The following LIN28B variants were observed in gnomAD, a reference collection of about 807,000 sequenced individuals.
LIN28B encodes lin-28 RNA binding posttranscriptional regulator B, also known as protein lin-28 homolog B.
In LIN28B, 5 loss-of-function variants were observed where a neutral mutation model predicts 21.9. The ratio of observed to expected loss-of-function variants is 0.23; its 90% CI spans 0.12 to 0.48. The LOEUF (loss-of-function observed/expected upper bound fraction) is 0.48. LIN28B is among the 20% of genes least tolerant of loss of function. The pLI is 0.98. For missense variants in LIN28B, 245 were observed against 310.5 expected (o/e 0.79, Z 1.58); for synonymous variants, 109 against 111.3 (o/e 0.98, Z 0.13).
chr6:105,068,983 G>A (rs757515881), intron 3 of LIN28B, among the ~76,000 whole-genome samples: 14 of 151,914 alleles, frequency 9.2e-5, no homozygotes, highest in Non-Finnish European at 1.5e-4. Context: ...TTGGGAGGCC[G>A]AGGCAGGCAG....
intron 3 of LIN28B, among the ~76,000 whole-genome samples, chr6:105,066,000 C>T (rs561744990): frequency 6.6e-6 from 1 of 152,048 alleles, no homozygotes. Context: ...AGTGAGACCT[C>T]GTCTCCACTA....
At chr6:104,941,697 A>T (rs1270657259) in intron 2 of LIN28B, among the ~76,000 whole-genome samples, 2 of 152,182 alleles carry the variant, frequency 1.3e-5, no homozygotes, top group African/African-American at 2.4e-5. Flanking sequence ...AATTAAAATT[A>T]AGGATTTTGA....
chr6:105,067,833 G>A (rs1042565934), intron 3 of LIN28B, among the ~76,000 whole-genome samples: 1 of 152,110 alleles, frequency 6.6e-6, no homozygotes, highest in Non-Finnish European at 1.5e-5. Context: ...TTATAGCTAT[G>A]CCTGATTGAA....
chr6:105,001,833 C>T (rs760306042), intron 2 of LIN28B, among the ~76,000 whole-genome samples: 3 of 152,112 alleles, frequency 2.0e-5, no homozygotes, highest in South Asian at 4.1e-4. Flanking sequence ...CAAAAAAACT[C>T]GATCTCTAGC....
chr6:104,953,556 T>C (rs552205004), upstream of LIN28B, among the ~76,000 whole-genome samples: 23 of 152,148 alleles, frequency 1.5e-4, no homozygotes, highest in South Asian at 4.8e-3. Flanking sequence ...CCTAAATTAG[T>C]GAGAAATCAC....
chr6:105,002,813 A>G (rs1294397066), intron 2 of LIN28B, among the ~76,000 whole-genome samples: 1 of 152,194 alleles, frequency 6.6e-6, no homozygotes, highest in Non-Finnish European at 1.5e-5. Context: ...ATAGATTTGC[A>G]AGTTAGCTGA....
intron 3 of LIN28B, among the ~76,000 whole-genome samples, chr6:105,061,140 C>G (rs1042035260): frequency 5.9e-5 from 9 of 152,174 alleles, no homozygotes; most frequent in Non-Finnish European, 8.8e-5. Flanking sequence ...TCTACTTTAT[C>G]ATTTCCTTTA....
At chr6:105,018,829 T>C (rs1392802395) in intron 2 of LIN28B, among the ~76,000 whole-genome samples, 1 of 152,224 alleles carries the variant, frequency 6.6e-6, no homozygotes, top group Admixed American at 6.5e-5. Flanking sequence ...TTAAATTCTC[T>C]GGTTGTTTAA....
At chr6:104,965,881 A>G (rs1324779860) in intron 2 of LIN28B, among the ~76,000 whole-genome samples, 2 of 152,226 alleles carry the variant, frequency 1.3e-5, no homozygotes, top group Non-Finnish European at 2.9e-5. Context: ...TGATAATTTA[A>G]TACCATTTTT....
At chr6:104,953,868 C>G (rs144034017), upstream of LIN28B, among the ~76,000 whole-genome samples, 1 of 152,140 alleles carries the variant, frequency 6.6e-6, no homozygotes, top group Non-Finnish European at 1.5e-5. Flanking sequence ...TAAGAAGAAC[C>G]GAAGCATTGT....
At chr6:104,991,372 A>C (rs1454746339) in intron 2 of LIN28B, among the ~76,000 whole-genome samples, 1 of 146,924 alleles carries the variant, frequency 6.8e-6, no homozygotes, top group Non-Finnish European at 1.5e-5. Flanking sequence ...CACCTCCCAG[A>C]CGGGGTCGCG....
chr6:104,950,254 T>C (rs777257029), intron 2 of LIN28B, among the ~76,000 whole-genome samples: 1 of 152,182 alleles, frequency 6.6e-6, no homozygotes, highest in African/African-American at 2.4e-5. Flanking sequence ...TTTAAACTAG[T>C]GTCCTCTACT....
At chr6:105,067,932 T>C (rs1772250471) in intron 3 of LIN28B, among the ~76,000 whole-genome samples, 1 of 152,180 alleles carries the variant, frequency 6.6e-6, no homozygotes, top group African/African-American at 2.4e-5. Flanking sequence ...TTAAAACTGC[T>C]ACATGTTTCA....
At chr6:104,946,097 TTATAAA>T (rs1446004158) in intron 2 of LIN28B, among the ~76,000 whole-genome samples, 2 of 151,920 alleles carry the variant, frequency 1.3e-5, no homozygotes, top group Non-Finnish European at 2.9e-5. Context: ...ATTATATACT[TTATAAA>T]TATAAGAAAT....
intron 2 of LIN28B, among the ~76,000 whole-genome samples, chr6:104,969,967 C>T (rs983666444): frequency 3.9e-5 from 6 of 152,130 alleles, no homozygotes; most frequent in Non-Finnish European, 8.8e-5. Context: ...AGCTCTGGTT[C>T]AGGACCTCAG....
At chr6:104,979,661 A>C (rs1366416650) in intron 2 of LIN28B, among the ~76,000 whole-genome samples, 1 of 152,286 alleles carries the variant, frequency 6.6e-6, no homozygotes, top group Admixed American at 6.5e-5. Flanking sequence ...ACAAATAGGG[A>C]AATTAACTTT....
chr6:105,061,980 C>G (rs940857856), intron 3 of LIN28B, among the ~76,000 whole-genome samples: 1 of 152,086 alleles, frequency 6.6e-6, no homozygotes, highest in South Asian at 2.1e-4. Flanking sequence ...AGCCAACTTG[C>G]CTTCCTAAAC....
At chr6:104,991,638 G>C (rs969859468) in intron 2 of LIN28B, among the ~76,000 whole-genome samples, 2 of 152,162 alleles carry the variant, frequency 1.3e-5, no homozygotes, top group Non-Finnish European at 2.9e-5. Flanking sequence ...TGCAATCTCG[G>C]CACTTTGGGA....
At chr6:105,061,128 A>G (rs1423583486) in intron 3 of LIN28B, among the ~76,000 whole-genome samples, 1 of 152,200 alleles carries the variant, frequency 6.6e-6, no homozygotes, top group Non-Finnish European at 1.5e-5. Context: ...ACACAAAGAT[A>G]GTCTACTTTA....
Sources: gnomAD v4.1 joint callset for allele counts (sites outside exome capture counted in the v4.1 genomes callset) on GRCh38, gnomAD v4.1.1 for gene constraint, MANE v1.5 for transcripts, NCBI Gene and HGNC (gene_info 2026-07-23, HGNC 2026-07-21) for gene names.